The following ASAP3 variants were observed in gnomAD, a reference collection of about 807,000 sequenced individuals.
The protein encoded by ASAP3 is arf-GAP with SH3 domain, ANK repeat and PH domain-containing protein 3.
Under a neutral mutation model 118.2 loss-of-function variants are expected in ASAP3, and 85 were observed. That is an observed-to-expected ratio of 0.72 (90% CI 0.60 to 0.86). The LOEUF (loss-of-function observed/expected upper bound fraction) is 0.86. Ranked by LOEUF, ASAP3 falls within the 40% of genes least tolerant of loss-of-function variation. The pLI, the probability that ASAP3 is intolerant of heterozygous loss-of-function variation, is 0.00. For missense variants in ASAP3, 1,026 were observed against 1,175.0 expected (o/e 0.87, Z 1.85); for synonymous variants, 432 against 477.4 (o/e 0.90, Z 1.24).
chr1:23,436,488 T>C lies in ASAP3; in HGVS notation c.1571+72A>G. ...TCCCCAGACTTCTGATCCAAGACTT[T>C]TCTACGACCCTGGACACTGCGGAGG... On this transcript the variant is annotated intron_variant, in intron 16 of 24. Transcript: ENST00000336689. The surrounding 1 kb of genome is among the most constrained non-coding windows in gnomAD (Gnocchi z 4.2). 1 of 1,552,266 alleles carries C rather than the reference T, an allele frequency of 6.4e-7. No homozygotes were observed. The highest frequency in any genetic ancestry group is 2.2e-5 in the East Asian group (1 of 44,518).
chr1:23,471,102 C>T (rs1641948178), intron 1 of ASAP3, among the ~76,000 whole-genome samples: 1 of 152,254 alleles, frequency 6.6e-6, no homozygotes, highest in African/African-American at 2.4e-5. Flanking sequence ...CCTCCCTGCC[C>T]CCCACTTGGG....
In ASAP3 at chr1:23,438,630, C is replaced by T. The variant is rs1266929741; in HGVS notation, c.1102+117G>A. The T allele has an allele frequency of 7.6e-5, 62 of 817,524 alleles. No homozygotes were observed. Among genetic ancestry groups the T allele is most frequent in the Non-Finnish European group, 1.1e-4 (56 of 504,506 alleles). The allele number at this position is 817,524 out of a possible 1,614,324, so 50.6% of individuals were successfully genotyped here. ...TCTTATGTCTGCAGTAGCAGCAATT[C>T]GACACCATGTGTGGAACTGGACACA... On this transcript the variant is annotated intron_variant, in intron 12 of 24. Transcript: ENST00000336689. The surrounding 1 kb of genome is among the most constrained non-coding windows in gnomAD (Gnocchi z 4.9).
chr1:23,480,568 T>C (rs748744147), intron 1 of ASAP3, among the ~76,000 whole-genome samples: 6 of 152,224 alleles, frequency 3.9e-5, no homozygotes, highest in Non-Finnish European at 8.8e-5. Flanking sequence ...CTCTGGGGAC[T>C]CAGGACAAAC....
chr1:23,471,144 T>C (rs1001630984), intron 1 of ASAP3, among the ~76,000 whole-genome samples: 1 of 152,156 alleles, frequency 6.6e-6, no homozygotes, highest in Non-Finnish European at 1.5e-5. Context: ...CTTAAAACCA[T>C]CCCTATTGAA....
At chr1:23,467,380 TA>T (rs957897518) in intron 1 of ASAP3, among the ~76,000 whole-genome samples, 3 of 152,060 alleles carry the variant, frequency 2.0e-5, no homozygotes, top group African/African-American at 7.2e-5. Context: ...TTATAGCCAT[TA>T]TTAATCGATC....
chr1:23,442,966 C>T (rs1640926319), intron 5 of ASAP3, among the ~76,000 whole-genome samples: 1 of 152,130 alleles, frequency 6.6e-6, no homozygotes, highest in Non-Finnish European at 1.5e-5. Context: ...AAGGCAGGAG[C>T]GAGTGCCAAG....
Position 23,442,198 on chromosome 1 carries a change from T to C in ASAP3, c.659A>G (p.His220Arg), listed in dbSNP as rs1321272065. 6.2e-7 allele frequency: 1 copy of C among 1,601,940 alleles called. No individual in the cohort carries two copies. The highest frequency in any genetic ancestry group is 1.7e-4 in the Middle Eastern group (1 of 6,042). ...DFLQSLIKFF[H>R]AQHNFFQDGW... is the part of the protein sequence containing the mutation. ...GGAAGATACCTACTTGTGCTGGGCG[T>C]GGAAGAACTTGATGAGGCTCTGAAG... is the stretch of plus-strand genomic sequence containing the variant. The change falls in exon 7 of 25, where the codon CAC (histidine) becomes CGC (arginine). Residue 220 changes from histidine (H) to arginine (R), a missense_variant. Physicochemically the swap from His to Arg is conservative, Grantham distance 29 (BLOSUM62 0). Transcript: ENST00000336689.
At chr1:23,441,810 C>T (rs1370040542) in intron 7 of ASAP3, 80 bp from the exon 8 acceptor site, 37 of 1,471,580 alleles carry the variant, frequency 2.5e-5, no homozygotes, top group Non-Finnish European at 3.1e-5. Context: ...GGAGAAGCTG[C>T]CGTAAGGATC....
intron 1 of ASAP3, among the ~76,000 whole-genome samples, chr1:23,473,528 T>C (rs1162070674): frequency 2.0e-5 from 3 of 152,194 alleles, no homozygotes. Context: ...AGGGACCTTC[T>C]AGCAGCATCT....
intron 1 of ASAP3, among the ~76,000 whole-genome samples, chr1:23,473,756 C>T (rs1642031369): frequency 6.6e-6 from 1 of 152,038 alleles, no homozygotes. Context: ...AGGTTGACAA[C>T]TCTGGGAAGA....
At position 23,436,748 on chromosome 1, in the gene ASAP3, C is replaced by T. The variant is rs1272589474; in HGVS notation, c.1477-94G>A. 7.0e-6 allele frequency: 11 copies of T among 1,562,566 alleles called. No homozygotes were observed. Among genetic ancestry groups the T allele is most frequent in the Non-Finnish European group, 8.7e-6 (10 of 1,144,984 alleles). ...TCCAAGCCCCCAGAGTCCCGCCCCTCGGCCGCCCTCCCGGTTCAGGCCCCG... is the reference window on the plus strand; with the variant it reads ...TCCAAGCCCCCAGAGTCCCGCCCCTTGGCCGCCCTCCCGGTTCAGGCCCCG... On this transcript the variant is annotated intron_variant, in intron 15 of 24. Transcript: ENST00000336689. The surrounding 1 kb of genome is among the most constrained non-coding windows in gnomAD (Gnocchi z 4.2).
intron 11 of ASAP3, 119 bp downstream of exon 11, chr1:23,439,042 G>A: frequency 7.5e-7 from 1 of 1,334,758 alleles, no homozygotes; most frequent in Admixed American, 1.9e-5. Flanking sequence ...CGGGTCTCCA[G>A]CTCCCTGGAC....
At chr1:23,457,334 C>T (rs1425809496) in intron 1 of ASAP3, among the ~76,000 whole-genome samples, 1 of 152,156 alleles carries the variant, frequency 6.6e-6, no homozygotes, top group Non-Finnish European at 1.5e-5. Context: ...AGTTAGTAAA[C>T]ACATTGGAAA....
At chr1:23,467,188 T>C (rs1641801280) in intron 1 of ASAP3, among the ~76,000 whole-genome samples, 1 of 150,008 alleles carries the variant, frequency 6.7e-6, no homozygotes, top group Non-Finnish European at 1.5e-5. Flanking sequence ...TTATTATTAT[T>C]ATTATTATTA....
chr1:23,442,810 A>T (rs1640920040), intron 5 of ASAP3, among the ~76,000 whole-genome samples, 198 bp from the exon 6 acceptor site: 1 of 152,190 alleles, frequency 6.6e-6, no homozygotes, highest in Non-Finnish European at 1.5e-5. Context: ...ATCAAATCAC[A>T]GCCACGCAGA....
In ASAP3 at chr1:23,436,870, A is replaced by G. The variant is rs768418350; in HGVS notation, c.1476+41T>C. On this transcript the variant is annotated intron_variant, in intron 15 of 24. Coordinates refer to ENST00000336689, the MANE Select transcript of ASAP3 (RefSeq NM_017707.4). The surrounding 1 kb of genome is among the most constrained non-coding windows in gnomAD (Gnocchi z 4.2). ...GCCCCCGGATGAAACTACACCCCTA[A>G]CTCCGCTTCTGGCCCCTTCCAGGCC... 1.9e-5 allele frequency: 30 copies of G among 1,594,842 alleles called. No individual in the cohort carries two copies. Among genetic ancestry groups the G allele is most frequent in the Non-Finnish European group, 2.5e-5 (29 of 1,170,936 alleles).
At chr1:23,455,681 A>G (rs975937344) in intron 3 of ASAP3, among the ~76,000 whole-genome samples, 200 bp downstream of exon 3, 3 of 152,130 alleles carry the variant, frequency 2.0e-5, no homozygotes, top group Non-Finnish European at 4.4e-5. Context: ...CAGAGAGAAG[A>G]GTTAGTTGGG....
chr1:23,445,353 T>C (rs1196983664), intron 5 of ASAP3, among the ~76,000 whole-genome samples: 8 of 152,168 alleles, frequency 5.3e-5, no homozygotes, highest in African/African-American at 1.9e-4. Context: ...GATCCAGGCA[T>C]GGTGGTGTGT....
chr1:23,441,029 G>T, intron 10 of ASAP3, 73 bp downstream of exon 10: 1 of 1,383,350 alleles, frequency 7.2e-7, no homozygotes, highest in Non-Finnish European at 1.0e-6. Flanking sequence ...AGTTCCTTTG[G>T]GCAGCTTCCC....
Sources: allele counts gnomAD v4.1 joint callset (sites outside exome capture counted in the v4.1 genomes callset), GRCh38; gene constraint gnomAD v4.1.1; non-coding constraint Gnocchi (gnomAD v3.1); transcripts MANE v1.5; gene names NCBI Gene and HGNC (gene_info 2026-07-23, HGNC 2026-07-21).